Variants in QRFP observed in about 807,000 individuals in gnomAD.
QRFP encodes orexigenic neuropeptide QRFP.
In QRFP, 7 loss-of-function variants were observed where a neutral mutation model predicts 9.1. The ratio of observed to expected loss-of-function variants is 0.77; its 90% CI spans 0.44 to 1.45. QRFP has a LOEUF of 1.45. Among genes scored for constraint, QRFP ranks in the 40% most tolerant of loss-of-function variants. The probability of loss-of-function intolerance (pLI) is 0.01; values close to 1 mark genes in which losing one functional copy is unlikely to be tolerated. For missense variants in QRFP, 204 were observed against 185.4 expected, an observed-to-expected ratio of 1.10 and a Z score of -0.58; for synonymous variants, 91 against 80.2, an observed-to-expected ratio of 1.13 and a Z score of -0.72.
chr9:130,893,921 C>G (rs1831723810), intron 2 of QRFP, 83 bp from the exon 3 acceptor site: 1 of 1,372,154 alleles, frequency 7.3e-7, no homozygotes, highest in Admixed American at 2.5e-5. Flanking sequence ...CCGGGACAGG[C>G]TGGCAGCGTA....
chr9:130,894,486 C>T (rs1378794663), intron 2 of QRFP, among the ~76,000 whole-genome samples: 1 of 152,146 alleles, frequency 6.6e-6, no homozygotes, highest in Non-Finnish European at 1.5e-5. Flanking sequence ...CTTGGTAGGT[C>T]CGGCCAGTCC....
Position 130,893,664 on chromosome 9 carries a change from G to A in QRFP, c.175C>T (p.Leu59=). Residue 59 remains leucine (L), a synonymous_variant, in exon 3 of 3, where the codon CTG becomes TTG. Coordinates refer to ENST00000623824, the MANE Select transcript of QRFP (RefSeq NM_198180.3). ...PHSVWGSSRW[L]RASQPQALLV... ...AGGGCCTGTGGCTGTGAAGCTCTCA[G>A]CCACCGAGAGGAACCCCACACGGAG... The A allele has an allele frequency of 6.2e-7, 1 of 1,601,316 alleles. No individual in the cohort carries two copies. Among genetic ancestry groups the A allele is most frequent in the African/African-American group, 1.3e-5 (1 of 74,454 alleles).
intron 2 of QRFP, among the ~76,000 whole-genome samples, chr9:130,894,197 G>A (rs2133051623): frequency 6.6e-6 from 1 of 152,310 alleles, no homozygotes; most frequent in Middle Eastern, 3.4e-3. Context: ...GCAGAGCCAT[G>A]GGGTGGAAAG....
At chr9:130,893,956 G>GCC in intron 2 of QRFP, 118 bp from the exon 3 acceptor site, 1 of 968,840 alleles carries the variant, frequency 1.0e-6, no homozygotes, top group Non-Finnish European at 1.5e-6. Context: ...GCTCAGCTGA[G>GCC]CCCGGCTTCC....
Position 130,893,736 on chromosome 9 carries a change from C to G in QRFP, c.103G>C (p.Gly35Arg). The G allele has an allele frequency of 6.2e-7, 1 of 1,610,108 alleles. No homozygotes were observed. The highest frequency in any genetic ancestry group is 1.3e-5 in the African/African-American group (1 of 74,916). Residue 35 changes from glycine to arginine, a missense_variant, in exon 3 of 3, where the codon GGA (glycine) becomes CGA (arginine). Gly to Arg is a moderately radical substitution (Grantham distance 125, BLOSUM62 -2). Coordinates refer to ENST00000623824, the MANE Select transcript of QRFP (RefSeq NM_198180.3). ...AGGTCGGCCCAGCGTTCTCCAGCTCCGAGGCCACCCATGGCGTCTGTGGGC... is the reference window on the plus strand; with the variant it reads ...AGGTCGGCCCAGCGTTCTCCAGCTCGGAGGCCACCCATGGCGTCTGTGGGC... ...REPTDAMGGL[G>R]AGERWADLAM...
intron 2 of QRFP, among the ~76,000 whole-genome samples, chr9:130,895,347 G>A (rs547637903): frequency 2.6e-5 from 4 of 152,344 alleles, no homozygotes; most frequent in African/African-American, 9.6e-5. Flanking sequence ...GACAGAGCAG[G>A]CCCTGGAGTG....
chr9:130,894,686 T>A (rs1288425473), intron 2 of QRFP, among the ~76,000 whole-genome samples: 1 of 152,144 alleles, frequency 6.6e-6, no homozygotes, highest in African/African-American at 2.4e-5. Flanking sequence ...CTGAGGTGAC[T>A]TGCCCCAGAT....
intron 2 of QRFP, 82 bp from the exon 3 acceptor site, chr9:130,893,920 G>T: frequency 1.5e-6 from 2 of 1,373,234 alleles, no homozygotes; most frequent in Non-Finnish European, 1.9e-6. Flanking sequence ...CCCGGGACAG[G>T]CTGGCAGCGT....
intron 2 of QRFP, among the ~76,000 whole-genome samples, chr9:130,895,138 A>G (rs1831739293): frequency 6.6e-6 from 1 of 152,206 alleles, no homozygotes; most frequent in African/African-American, 2.4e-5. Flanking sequence ...GACCTCCCTC[A>G]TGCTGCCAGG....
chr9:130,893,611 T>A lies in QRFP; in HGVS notation c.228A>T (p.Thr76=), dbSNP rs75981952. The change falls in exon 3 of 3, where the codon ACA becomes ACT. Residue 76 remains threonine (T), a synonymous_variant. Coordinates refer to ENST00000623824, the MANE Select transcript of QRFP (RefSeq NM_198180.3). ...TGCAGCCAGCATGCTCTCTGCCCGA[T>A]GTCTGCAGCCCCCTGGCTATGACAA... ...ALLVIARGLQ[T]SGREHAGCRF... is the part of the protein sequence containing the mutation. 4.5e-3 allele frequency: 7,244 copies of A among 1,611,908 alleles called. 273 individuals are homozygous for A. In the African/African-American group the frequency reaches 0.082, roughly 18 times the overall value.
At chr9:130,895,162 CAG>C (rs902600062) in intron 2 of QRFP, among the ~76,000 whole-genome samples, 4 of 152,340 alleles carry the variant, frequency 2.6e-5, no homozygotes, top group South Asian at 4.1e-4. Context: ...ACCTTTCCAT[CAG>C]GGCGCAGGCA....
At position 130,892,874 on chromosome 9, in the gene QRFP, G is replaced by A. The variant is rs1006506763; in HGVS notation, c.*554C>T. ...GGGCCGCGGAGAAGGGCTGCGGTCAGAGGGGCAGGCAAACCACAGCAGGGG... is the reference window on the plus strand; with the variant it reads ...GGGCCGCGGAGAAGGGCTGCGGTCAAAGGGGCAGGCAAACCACAGCAGGGG... On this transcript the variant is annotated 3_prime_UTR_variant, in exon 3 of 3. Transcript: ENST00000623824. 1.3e-5 allele frequency: 2 copies of A among 152,332 alleles called. No individual in the cohort carries two copies. Among genetic ancestry groups the A allele is most frequent in the Non-Finnish European group, 2.9e-5 (2 of 68,094 alleles). The allele number at this position is 152,332 out of a possible 1,614,324, so 9.4% of individuals were successfully genotyped here.
In QRFP at chr9:130,896,700, T is replaced by C. The variant is rs1038760351; in HGVS notation, c.-409A>G. On this transcript the variant is annotated 5_prime_UTR_variant, in exon 1 of 3. Coordinates refer to ENST00000623824, the MANE Select transcript of QRFP (RefSeq NM_198180.3). ...CCACTTCGGGGCTGAGCGCCCAGGT[T>C]CGGGCGGAGGGTCTGCGGATTGAAG... The C allele has an allele frequency of 1.3e-5, 2 of 152,236 alleles. No individual in the cohort carries two copies. The highest frequency in any genetic ancestry group is 4.8e-5 in the African/African-American group (2 of 41,442). 9.4% of individuals were successfully genotyped at this position (152,236 alleles called of 1,614,324 possible). A position where few individuals can be genotyped will look rare whatever the true frequency, so the allele number is the denominator to read the frequency against.
chr9:130,896,275 C>G (rs752615068), intron 1 of QRFP, among the ~76,000 whole-genome samples: 2 of 152,230 alleles, frequency 1.3e-5, no homozygotes. Flanking sequence ...AGGTGGAGCC[C>G]TCAGCGGCCT....
chr9:130,893,082 A>G lies in QRFP; in HGVS notation c.*346T>C, dbSNP rs1831705708. On this transcript the variant is annotated 3_prime_UTR_variant, in exon 3 of 3. Transcript: ENST00000623824. The stretch of plus-strand genomic sequence containing the variant: ...TTTGATTACCCAACTGTAAGCACTC[A>G]GCCCGCTGCCTCGCTCTGCTATTCA... 2 of 211,026 alleles carry G rather than the reference A, an allele frequency of 9.5e-6. No homozygotes were observed. Among genetic ancestry groups the G allele is most frequent in the African/African-American group, 2.3e-5 (1 of 43,504 alleles). 13.1% of individuals were successfully genotyped at this position (211,026 alleles called of 1,614,324 possible).
intron 2 of QRFP, among the ~76,000 whole-genome samples, chr9:130,894,961 T>G (rs1482572077): frequency 6.6e-6 from 1 of 152,168 alleles, no homozygotes; most frequent in African/African-American, 2.4e-5. Context: ...GCACCGGCCC[T>G]GGAGAAGACA....
Position 130,892,898 on chromosome 9 carries a change from G to A in QRFP, c.*530C>T, listed in dbSNP as rs976296221. The A allele has an allele frequency of 6.6e-6, 1 of 152,482 alleles. No individual in the cohort carries two copies. The highest frequency in any genetic ancestry group is 2.4e-5 in the African/African-American group (1 of 41,580). The allele number at this position is 152,482 out of a possible 1,614,324, so 9.4% of individuals were successfully genotyped here. A position where few individuals can be genotyped will look rare whatever the true frequency, so the allele number is the denominator to read the frequency against. On this transcript the variant is annotated 3_prime_UTR_variant, in exon 3 of 3. Transcript: ENST00000623824. ...AGAGGGGCAGGCAAACCACAGCAGG[G>A]GCTTCTTGCCAGGGGGATCTTGTGC...
chr9:130,893,470 G>A lies in QRFP; in HGVS notation c.369C>T (p.Ser123=). Residue 123 remains serine (S), a synonymous_variant, in exon 3 of 3, where the codon AGC becomes AGT. Coordinates refer to ENST00000623824, the MANE Select transcript of QRFP (RefSeq NM_198180.3). ...GGAAGCTGAAGCCGCCTTTCTTCCT[G>A]CTGTAGCCATTGAGCTCCTCAGCCA... The part of the protein sequence containing the change: ...GNLAEELNGY[S]RKKGGFSFRF... 6.2e-7 allele frequency: 1 copy of A among 1,600,920 alleles called. No individual in the cohort carries two copies. The highest frequency in any genetic ancestry group is 1.3e-5 in the African/African-American group (1 of 74,716).
At chr9:130,894,309 G>A (rs140909430) in intron 2 of QRFP, among the ~76,000 whole-genome samples, 26 of 152,288 alleles carry the variant, frequency 1.7e-4, no homozygotes, top group South Asian at 4.1e-4. Context: ...ACGTGGGAAC[G>A]AGTTGCTCCT....
Sources: allele counts gnomAD v4.1 joint callset (sites outside exome capture counted in the v4.1 genomes callset), GRCh38; gene constraint gnomAD v4.1.1; transcripts MANE v1.5; gene names NCBI Gene and HGNC (gene_info 2026-07-23, HGNC 2026-07-21).